UBE2E2: variants seen among roughly 807,000 people sequenced by gnomAD.
The protein encoded by UBE2E2 is ubiquitin conjugating enzyme E2 E2, also known as ubiquitin-conjugating enzyme E2 E2.
A neutral mutation model predicts 24.7 loss-of-function variants in UBE2E2; 6 were observed. That is an observed-to-expected ratio of 0.24 (90% CI 0.13 to 0.48). The LOEUF is 0.48. UBE2E2 is among the 20% of genes least tolerant of loss of function. The pLI is 0.99. For missense variants in UBE2E2, 169 were observed against 245.0 expected (o/e 0.69, Z 2.07); for synonymous variants, 104 against 83.6 (o/e 1.24, Z -1.33).
At chr3:23,259,795 A>G (rs1575511703) in intron 3 of UBE2E2, among the ~76,000 whole-genome samples, 3 of 152,320 alleles carry the variant, frequency 2.0e-5, no homozygotes, top group Admixed American at 1.3e-4. Context: ...AGGACCCTCG[A>G]GAGTTTTCCC....
At chr3:23,381,513 G>A (rs1696670848) in intron 3 of UBE2E2, among the ~76,000 whole-genome samples, 1 of 152,142 alleles carries the variant, frequency 6.6e-6, no homozygotes, top group African/African-American at 2.4e-5. Flanking sequence ...AAGGTAATGG[G>A]TGTGTGTTAG....
At chr3:23,251,912 C>G (rs1211617877) in intron 3 of UBE2E2, among the ~76,000 whole-genome samples, 1 of 152,146 alleles carries the variant, frequency 6.6e-6, no homozygotes, top group South Asian at 2.1e-4. Context: ...TGCTGCTAAC[C>G]TCATCACTCA....
intron 3 of UBE2E2, among the ~76,000 whole-genome samples, chr3:23,376,119 A>G (rs932944913): frequency 2.0e-5 from 3 of 152,204 alleles, no homozygotes; most frequent in African/African-American, 7.2e-5. Flanking sequence ...TGTATGTGCC[A>G]TGTATATCCT....
intron 5 of UBE2E2, among the ~76,000 whole-genome samples, chr3:23,544,830 G>A (rs2125494508): frequency 6.6e-6 from 1 of 152,318 alleles, no homozygotes; most frequent in East Asian, 1.9e-4. Context: ...AGTTCCCTTA[G>A]TATTTATTGA....
At chr3:23,585,669 T>A (rs1042959297) in intron 5 of UBE2E2, among the ~76,000 whole-genome samples, 18 of 152,194 alleles carry the variant, frequency 1.2e-4, no homozygotes, top group African/African-American at 4.1e-4. Context: ...AATTTACTTA[T>A]CTACTGATAA....
intron 3 of UBE2E2, among the ~76,000 whole-genome samples, chr3:23,224,154 AG>A (rs1430563416): frequency 6.5e-5 from 5 of 77,138 alleles, no homozygotes; most frequent in East Asian, 8.7e-4. Flanking sequence ...TGTAAATTTT[AG>A]GTTTTTTTTT....
At chr3:23,552,648 C>T (rs959434600) in intron 5 of UBE2E2, among the ~76,000 whole-genome samples, 34 of 152,156 alleles carry the variant, frequency 2.2e-4, no homozygotes, top group African/African-American at 7.5e-4. Flanking sequence ...TGTCTTTGTA[C>T]AATCAGCTTC....
At chr3:23,211,407 CTTTT>C (rs3086984) in intron 2 of UBE2E2, among the ~76,000 whole-genome samples, 3 of 131,824 alleles carry the variant, frequency 2.3e-5, no homozygotes, top group Admixed American at 7.8e-5. Context: ...GCTCTGTGGT[CTTTT>C]TTTTTTTTTT....
chr3:23,262,898 A>G (rs532055018), intron 3 of UBE2E2, among the ~76,000 whole-genome samples: 67 of 152,286 alleles, frequency 4.4e-4, no homozygotes, highest in African/African-American at 1.5e-3. Flanking sequence ...TTCAGGGTAC[A>G]ATGTTTAAGC....
intron 3 of UBE2E2, among the ~76,000 whole-genome samples, chr3:23,484,618 C>T (rs899249153): frequency 2.6e-5 from 4 of 152,108 alleles, no homozygotes; most frequent in African/African-American, 9.7e-5. Context: ...ATGTGTATTA[C>T]TCCATTTTCG....
At chr3:23,545,162 C>T (rs550874580) in intron 5 of UBE2E2, among the ~76,000 whole-genome samples, 86 of 152,222 alleles carry the variant, frequency 5.6e-4, no homozygotes, top group Admixed American at 2.3e-3. Context: ...GTCTCAACTG[C>T]AAGAGGCATG....
At chr3:23,358,017 A>T (rs879885539) in intron 3 of UBE2E2, among the ~76,000 whole-genome samples, 7 of 151,832 alleles carry the variant, frequency 4.6e-5, no homozygotes, top group Non-Finnish European at 7.4e-5. Flanking sequence ...TTTATTTTTT[A>T]TAGAGATGGA....
intron 5 of UBE2E2, among the ~76,000 whole-genome samples, chr3:23,536,389 G>A (rs768908684): frequency 2.0e-5 from 3 of 152,056 alleles, no homozygotes; most frequent in South Asian, 2.1e-4. Flanking sequence ...TTCTTGAGAC[G>A]TGTATAGGTC....
chr3:23,499,538 A>G, intron 3 of UBE2E2, 70 bp from the exon 4 acceptor site: 2 of 1,549,006 alleles, frequency 1.3e-6, no homozygotes, highest in South Asian at 2.5e-5. Context: ...TGGTTATCAT[A>G]AATAGATTTT....
chr3:23,435,152 C>G (rs1244423243), intron 3 of UBE2E2, among the ~76,000 whole-genome samples: 1 of 152,166 alleles, frequency 6.6e-6, no homozygotes, highest in Non-Finnish European at 1.5e-5. Flanking sequence ...TTGTTTCAAA[C>G]TCTATAATTT....
chr3:23,336,649 T>A (rs143987086), intron 3 of UBE2E2, among the ~76,000 whole-genome samples: 1 of 152,364 alleles, frequency 6.6e-6, no homozygotes, highest in East Asian at 1.9e-4. Context: ...AGATATTGCG[T>A]ATCTCAAAGC....
At chr3:23,304,541 T>G (rs1452744540) in intron 3 of UBE2E2, among the ~76,000 whole-genome samples, 1 of 152,222 alleles carries the variant, frequency 6.6e-6, no homozygotes, top group Non-Finnish European at 1.5e-5. Context: ...TCTTAATGTC[T>G]GACTTAACAG....
At chr3:23,358,505 C>T (rs116045720) in intron 3 of UBE2E2, among the ~76,000 whole-genome samples, 210 of 152,130 alleles carry the variant, frequency 1.4e-3, no homozygotes, top group African/African-American at 4.7e-3. Flanking sequence ...CTAACAGCTG[C>T]ATCAAATATC....
intron 3 of UBE2E2, among the ~76,000 whole-genome samples, chr3:23,347,454 G>C (rs1228240724): frequency 6.6e-6 from 1 of 151,976 alleles, no homozygotes; most frequent in East Asian, 1.9e-4. Context: ...ATCACAAGGA[G>C]AGAAAACCAA....
Sources: allele counts gnomAD v4.1 joint callset (sites outside exome capture counted in the v4.1 genomes callset), GRCh38; gene constraint gnomAD v4.1.1; transcripts MANE v1.5; gene names NCBI Gene and HGNC (gene_info 2026-07-23, HGNC 2026-07-21).